SOX5: variants seen among roughly 807,000 people sequenced by gnomAD.
SOX5 encodes SRY-box transcription factor 5, also known as transcription factor SOX-5.
Under a neutral mutation model 92.0 loss-of-function variants are expected in SOX5, and 9 were observed. The ratio of observed to expected loss-of-function variants is 0.10; its 90% CI spans 0.06 to 0.17. The LOEUF (loss-of-function observed/expected upper bound fraction) is 0.17, where lower values mean the gene tolerates loss of function less well. Among genes scored for constraint, SOX5 ranks in the 10% least tolerant of loss-of-function variants. The probability of loss-of-function intolerance (pLI) is 1.00; values close to 1 mark genes in which losing one functional copy is unlikely to be tolerated. For synonymous variants in SOX5, 344 were observed against 336.3 expected, an observed-to-expected ratio of 1.02 and a Z score of -0.25; for missense variants, 642 against 944.5, an observed-to-expected ratio of 0.68 and a Z score of 4.20.
At chr12:24,506,981 G>A (rs1242549245) in intron 1 of SOX5, among the ~76,000 whole-genome samples, 3 of 151,434 alleles carry the variant, frequency 2.0e-5, no homozygotes, top group East Asian at 2.0e-4. Flanking sequence ...TAGTAGAGAC[G>A]GGGTTTCACC....
At chr12:23,715,618 T>C (rs1318210627) in intron 6 of SOX5, among the ~76,000 whole-genome samples, 1 of 152,044 alleles carries the variant, frequency 6.6e-6, no homozygotes, top group African/African-American at 2.4e-5. Flanking sequence ...TTAGTAGTTA[T>C]CCACTAAATA....
At chr12:24,243,580 C>A (rs1937928951) in intron 3 of SOX5, among the ~76,000 whole-genome samples, 1 of 151,990 alleles carries the variant, frequency 6.6e-6, no homozygotes, top group South Asian at 2.1e-4. Context: ...GTAAGTATTA[C>A]TTTTAATGTA....
intron 4 of SOX5, among the ~76,000 whole-genome samples, chr12:24,051,257 T>C (rs1957536036): frequency 6.6e-6 from 1 of 152,180 alleles, no homozygotes; most frequent in Non-Finnish European, 1.5e-5. Context: ...ATGTTTTTTT[T>C]CTTGTTGAAA....
intron 5 of SOX5, among the ~76,000 whole-genome samples, chr12:23,737,415 C>G (rs1593855015): frequency 6.6e-6 from 1 of 152,070 alleles, no homozygotes; most frequent in Admixed American, 6.6e-5. Flanking sequence ...TGGTGGGCAC[C>G]TGTAATCCCA....
chr12:23,839,392 A>G (rs1053063171), intron 3 of SOX5, among the ~76,000 whole-genome samples: 3 of 152,136 alleles, frequency 2.0e-5, no homozygotes, highest in Non-Finnish European at 2.9e-5. Context: ...AATACAACAC[A>G]TACTCTCACA....
At chr12:23,884,965 G>A (rs1158077485) in intron 2 of SOX5, among the ~76,000 whole-genome samples, 1 of 152,184 alleles carries the variant, frequency 6.6e-6, no homozygotes, top group African/African-American at 2.4e-5. Context: ...TCGGCTATAA[G>A]ATATATTCAA....
intron 4 of SOX5, among the ~76,000 whole-genome samples, chr12:24,074,630 C>CAAAAAAAAAAAACA (rs1942271500): frequency 2.0e-5 from 1 of 51,274 alleles, no homozygotes; most frequent in Non-Finnish European, 3.5e-5. Context: ...TGTAAACTAC[C>CAAAAAAAAAAAACA]AAAAAAAAAA....
At chr12:24,081,254 C>A (rs1943296361) in intron 4 of SOX5, among the ~76,000 whole-genome samples, 1 of 151,898 alleles carries the variant, frequency 6.6e-6, no homozygotes, top group Non-Finnish European at 1.5e-5. Context: ...TGCAAAACGT[C>A]TGCTAAAATC....
At chr12:24,244,131 G>C (rs115460001) in intron 3 of SOX5, among the ~76,000 whole-genome samples, 1,843 of 152,072 alleles carry the variant, frequency 0.012, 43 homozygotes, top group African/African-American at 0.043. Flanking sequence ...GAAAAGGCTG[G>C]GGAAGAAGAA....
chr12:23,997,215 C>A (rs1425475987), intron 4 of SOX5, among the ~76,000 whole-genome samples: 1 of 152,162 alleles, frequency 6.6e-6, no homozygotes, highest in Non-Finnish European at 1.5e-5. Flanking sequence ...TTCCACCCAC[C>A]TTATTCACCA....
At chr12:23,792,390 C>T (rs1019292115) in intron 3 of SOX5, among the ~76,000 whole-genome samples, 3 of 151,406 alleles carry the variant, frequency 2.0e-5, no homozygotes, top group Admixed American at 6.6e-5. Flanking sequence ...TTTGGGAGAC[C>T]GAGGTGGGTG....
intron 2 of SOX5, among the ~76,000 whole-genome samples, chr12:23,890,320 C>CAAA (rs201083567): frequency 1.1e-5 from 1 of 92,500 alleles, no homozygotes; most frequent in Admixed American, 1.1e-4. Flanking sequence ...AACTCCATTT[C>CAAA]AAAAAAAAAA....
intron 1 of SOX5, among the ~76,000 whole-genome samples, chr12:23,933,318 T>C (rs1402967914): frequency 6.6e-6 from 1 of 151,596 alleles, no homozygotes; most frequent in Non-Finnish European, 1.5e-5. Flanking sequence ...ACATAACATA[T>C]ACTGTACAGA....
chr12:24,145,841 T>C (rs943093805), intron 4 of SOX5, among the ~76,000 whole-genome samples: 2 of 152,182 alleles, frequency 1.3e-5, no homozygotes, highest in African/African-American at 4.8e-5. Flanking sequence ...AGTGGGTATA[T>C]TAATAGCAGG....
At chr12:24,478,225 TA>T (rs1945604333) in intron 1 of SOX5, among the ~76,000 whole-genome samples, 1 of 152,242 alleles carries the variant, frequency 6.6e-6, no homozygotes. Context: ...TAGCACTATT[TA>T]AACACAGTTT....
At chr12:23,679,400 CTGATGA>C (rs201429045) in intron 6 of SOX5, among the ~76,000 whole-genome samples, 4 of 152,080 alleles carry the variant, frequency 2.6e-5, no homozygotes, top group South Asian at 2.1e-4. Flanking sequence ...GCTGCTGCTG[CTGATGA>C]TGATGATTCT....
chr12:24,518,070 A>C (rs1453951400), intron 1 of SOX5, among the ~76,000 whole-genome samples: 1 of 99,424 alleles, frequency 1.0e-5, no homozygotes. Flanking sequence ...TTAACACTTT[A>C]GACTTTTTTT....
chr12:24,120,328 A>C lies in SOX5; in HGVS notation c.-2+93015T>G, dbSNP rs187734652. On this transcript the variant is annotated intron_variant, in intron 4 of 4. Coordinates refer to the SOX5 transcript ENST00000446891. ...TCCAGTTTCTCCATATCCTCACTAC[A>C]GTACACATTTTGTTTAAAAAGCCTA... Among the ~76,000 whole-genome samples, 8 of 152,324 alleles carry C rather than the reference A, an allele frequency of 5.3e-5. No homozygotes were observed. The East Asian group carries it at 1.5e-3, about 29-fold the overall frequency.
intron 8 of SOX5, among the ~76,000 whole-genome samples, chr12:23,612,941 T>A (rs2076140485): frequency 6.6e-6 from 1 of 152,156 alleles, no homozygotes. Flanking sequence ...AGAAAATCTT[T>A]CAAAACACAG....
Sources: gnomAD v4.1 joint callset for allele counts (sites outside exome capture counted in the v4.1 genomes callset) on GRCh38, gnomAD v4.1.1 for gene constraint, MANE v1.5 for transcripts, NCBI Gene and HGNC (gene_info 2026-07-23, HGNC 2026-07-21) for gene names.